Variants in NBEAL1 observed in about 807,000 individuals in gnomAD.
The protein encoded by NBEAL1 is neurobeachin-like protein 1.
In NBEAL1, 273 loss-of-function variants were observed where a neutral mutation model predicts 351.3. The observed-to-expected ratio is 0.78, with a 90% CI of 0.70 to 0.86. NBEAL1 has a LOEUF of 0.86. Among genes scored for constraint, NBEAL1 ranks in the 40% least tolerant of loss-of-function variants. NBEAL1 has a pLI of 0.00. For missense variants in NBEAL1, 2,961 were observed against 3,201.3 expected, an observed-to-expected ratio of 0.92 and a Z score of 1.81; for synonymous variants, 1,050 against 1,086.4, an observed-to-expected ratio of 0.97 and a Z score of 0.66.
At chr2:203,206,970 T>C (rs2065599448) in intron 51 of NBEAL1, among the ~76,000 whole-genome samples, 1 of 147,264 alleles carries the variant, frequency 6.8e-6, no homozygotes, top group South Asian at 2.2e-4. Flanking sequence ...AACTAGGAAG[T>C]GAGGAGCGCC....
At chr2:203,184,117 G>A (rs10932008) in intron 44 of NBEAL1, among the ~76,000 whole-genome samples, 108,318 of 145,922 alleles carry the variant, frequency 0.74, 41,478 homozygotes, top group South Asian at 0.91. Context: ...ACAAAAAAAG[G>A]CAGCTAAACC....
chr2:203,134,608 C>A (rs1487027620), intron 27 of NBEAL1, among the ~76,000 whole-genome samples: 1 of 152,144 alleles, frequency 6.6e-6, no homozygotes, highest in Non-Finnish European at 1.5e-5. Flanking sequence ...TTCTTTTCAT[C>A]TACATAGAAG....
chr2:203,084,384 A>G lies in NBEAL1; in HGVS notation c.992-79A>G, dbSNP rs150380393. 31 of 632,240 alleles carry G rather than the reference A, an allele frequency of 4.9e-5. No homozygotes were observed. In the African/African-American group the frequency reaches 5.0e-4, roughly 10 times the overall value. 39.2% of individuals were successfully genotyped at this position (632,240 alleles called of 1,614,324 possible). ...ATCAAAGTTGTTTTAAAAATTAAAA[A>G]GAAAAATGATTAGAGTAAATGTTTG... is the stretch of plus-strand genomic sequence containing the variant. On this transcript the variant is annotated intron_variant, in intron 9 of 55. Transcript: ENST00000683969.
At chr2:203,136,945 A>G (rs1354069108) in intron 29 of NBEAL1, among the ~76,000 whole-genome samples, 171 bp downstream of exon 29, 1 of 152,216 alleles carries the variant, frequency 6.6e-6, no homozygotes, top group Non-Finnish European at 1.5e-5. Flanking sequence ...TAGGATCTAA[A>G]GAGGAATCCC....
At chr2:203,098,706 T>A (rs890379812) in intron 11 of NBEAL1, among the ~76,000 whole-genome samples, 5 of 152,196 alleles carry the variant, frequency 3.3e-5, no homozygotes, top group African/African-American at 1.2e-4. Context: ...TTCATACAAC[T>A]TTTAGGATTA....
intron 12 of NBEAL1, among the ~76,000 whole-genome samples, chr2:203,104,984 G>A (rs1046392518): frequency 1.1e-4 from 17 of 151,334 alleles, no homozygotes; most frequent in Admixed American, 6.6e-4. Context: ...CTCAGCCTCC[G>A]GAGTAGCTGG....
chr2:203,021,910 G>A (rs997079042), intron 2 of NBEAL1, among the ~76,000 whole-genome samples: 3 of 151,916 alleles, frequency 2.0e-5, no homozygotes, highest in Non-Finnish European at 4.4e-5. Context: ...AATTAGCCAG[G>A]CACGGTGGCG....
At chr2:203,217,188 T>TA in intron 55 of NBEAL1, 65 bp from the exon 56 acceptor site, 1 of 1,225,140 alleles carries the variant, frequency 8.2e-7, no homozygotes, top group Non-Finnish European at 1.1e-6. Flanking sequence ...ATCAGTGTCT[T>TA]ACATATCTTT....
At chr2:203,186,541 G>A (rs919850593) in intron 44 of NBEAL1, among the ~76,000 whole-genome samples, 12 of 152,220 alleles carry the variant, frequency 7.9e-5, no homozygotes, top group East Asian at 1.9e-4. Context: ...CCTGTCTCCC[G>A]AGAGGGGTTC....
chr2:203,058,106 T>G (rs188745009), intron 6 of NBEAL1, among the ~76,000 whole-genome samples: 2 of 152,278 alleles, frequency 1.3e-5, no homozygotes, highest in Non-Finnish European at 2.9e-5. Flanking sequence ...CCTCCCAAAG[T>G]TCTGGGAGCC....
chr2:203,035,307 G>A (rs2061025531), intron 2 of NBEAL1, among the ~76,000 whole-genome samples: 1 of 149,176 alleles, frequency 6.7e-6, no homozygotes, highest in South Asian at 2.1e-4. Flanking sequence ...TATTTGGGCA[G>A]GACAGAGGAG....
intron 55 of NBEAL1, among the ~76,000 whole-genome samples, chr2:203,215,642 C>T (rs1176288073): frequency 3.3e-5 from 5 of 150,650 alleles, no homozygotes; most frequent in African/African-American, 7.3e-5. Flanking sequence ...GAACCAAGAT[C>T]GTGCCACTGC....
intron 18 of NBEAL1, among the ~76,000 whole-genome samples, chr2:203,121,842 T>C (rs899188400): frequency 2.0e-5 from 3 of 151,872 alleles, no homozygotes; most frequent in African/African-American, 7.3e-5. Context: ...CTGGAGTGCA[T>C]TGGCACCGTG....
rs999755980 is a variant in NBEAL1, at chr2:203,057,265, T to C, written c.388-61T>C. 2.1e-6 allele frequency: 3 copies of C among 1,434,520 alleles called. No individual in the cohort carries two copies. The African/African-American group carries it at 4.3e-5, about 20-fold the overall frequency. The allele number at this position is 1,434,520 out of a possible 1,614,324, so 88.9% of individuals were successfully genotyped here. On this transcript the variant is annotated intron_variant, in intron 5 of 55. Transcript: ENST00000683969. ...AAAGTTTGGCTTGTTTGAATACAAA[T>C]GACTTATTGTTAGATGATAAGTAAG...
chr2:203,142,774 G>A (rs978004920), intron 31 of NBEAL1, among the ~76,000 whole-genome samples: 1 of 152,134 alleles, frequency 6.6e-6, no homozygotes, highest in Non-Finnish European at 1.5e-5. Context: ...TGTAGGGATT[G>A]TATGACTTTT....
rs777922763 is a variant in NBEAL1 at position 203,112,003 on chromosome 2, C to G, written c.2107C>G (p.Pro703Ala). ...GCACAACATAACTGTTGTCCACATG[C>G]CTGGAAAAAGGCCTTTTGGTCAGAG... ...LWHNITVVHM[P>A]GKRPFGQSFV... The change falls in exon 16 of 56, where the codon CCT (proline) becomes GCT (alanine). Residue 703 changes from proline to alanine, a missense_variant. Physicochemically the swap from Pro to Ala is conservative, Grantham distance 27 (BLOSUM62 -1). Coordinates refer to ENST00000683969, the MANE Select transcript of NBEAL1 (RefSeq NM_001378026.1). The G allele has an allele frequency of 1.3e-6, 2 of 1,551,502 alleles. No homozygotes were observed. The highest frequency in any genetic ancestry group is 1.7e-6 in the Non-Finnish European group (2 of 1,146,966).
intron 6 of NBEAL1, among the ~76,000 whole-genome samples, chr2:203,065,462 A>G (rs2061566691): frequency 6.6e-6 from 1 of 152,186 alleles, no homozygotes; most frequent in Non-Finnish European, 1.5e-5. Flanking sequence ...ACAAAAAAGA[A>G]GCATGGTGGC....
intron 18 of NBEAL1, among the ~76,000 whole-genome samples, chr2:203,121,196 G>A (rs1266510796): frequency 6.6e-6 from 1 of 150,694 alleles, no homozygotes; most frequent in East Asian, 1.9e-4. Flanking sequence ...TTTATATTAT[G>A]ATTTTTTTTT....
intron 46 of NBEAL1, among the ~76,000 whole-genome samples, chr2:203,193,035 G>A (rs185160668): frequency 3.1e-5 from 4 of 130,790 alleles, no homozygotes; most frequent in Admixed American, 1.8e-4. Flanking sequence ...GCAGTGGCAC[G>A]ATCTTGGCTC....
Sources: allele counts gnomAD v4.1 joint callset (sites outside exome capture counted in the v4.1 genomes callset), GRCh38; gene constraint gnomAD v4.1.1; transcripts MANE v1.5; gene names NCBI Gene and HGNC (gene_info 2026-07-23, HGNC 2026-07-21).